Variants in ADGRL3 observed in about 807,000 individuals in gnomAD.
ADGRL3 encodes the protein adhesion G protein-coupled receptor L3.
ADGRL3 carries 62 observed loss-of-function variants against 153.5 expected under a neutral mutation model. That is an observed-to-expected ratio of 0.40 (90% CI 0.33 to 0.50). The LOEUF (loss-of-function observed/expected upper bound fraction) is 0.50, where lower values mean the gene tolerates loss of function less well. Ranked by LOEUF, ADGRL3 falls within the 20% of genes least tolerant of loss-of-function variation. ADGRL3 has a pLI of 0.47. For synonymous variants in ADGRL3, 710 were observed against 672.5 expected (o/e 1.06, Z -0.86); for missense variants, 1,641 against 1,859.4 (o/e 0.88, Z 2.16).
chr4:61,438,451 TGA>T (rs2152453873), intron 2 of ADGRL3, among the ~76,000 whole-genome samples: 1 of 151,676 alleles, frequency 6.6e-6, no homozygotes, highest in East Asian at 1.9e-4. Context: ...CAGGCTGTGA[TGA>T]AGGAAGTACT....
intron 23 of ADGRL3, among the ~76,000 whole-genome samples, chr4:62,033,111 C>T (rs905987533): frequency 1.3e-5 from 2 of 151,650 alleles, no homozygotes; most frequent in Admixed American, 1.3e-4. Flanking sequence ...TGGGGTTGCC[C>T]CATGAAGGGA....
At position 61,496,362 on chromosome 4, in the gene ADGRL3, T is replaced by C. The variant is rs536306305; in HGVS notation, c.-173-759T>C. Among the ~76,000 whole-genome samples the C allele has an allele frequency of 9.2e-5, 14 of 152,282 alleles. No individual in the cohort carries two copies. In the East Asian group the frequency reaches 2.7e-3, roughly 29 times the overall value. ...TTACTTTGTGTAAGCTTTACCATGG[T>C]ATAATATATATGTATTTTTAGCCAG... On this transcript the variant is annotated intron_variant, in intron 2 of 26. Transcript: ENST00000683033.
At chr4:61,361,905 A>G (rs1023619356) in intron 1 of ADGRL3, among the ~76,000 whole-genome samples, 3 of 151,286 alleles carry the variant, frequency 2.0e-5, no homozygotes, top group African/African-American at 7.3e-5. Context: ...TTTAGAAACA[A>G]AGAAGATAAG....
chr4:61,322,012 TG>T (rs2095366393), intron 1 of ADGRL3, among the ~76,000 whole-genome samples: 3 of 152,168 alleles, frequency 2.0e-5, no homozygotes, highest in Admixed American at 1.3e-4. Flanking sequence ...TACCTGAGAC[TG>T]GGCAATTTAC....
chr4:61,401,078 A>ATTTT (rs1578654202), intron 2 of ADGRL3, among the ~76,000 whole-genome samples: 1 of 150,556 alleles, frequency 6.6e-6, no homozygotes. Context: ...TTTTTTTTTA[A>ATTTT]AAAAAAGATT....
intron 21 of ADGRL3, among the ~76,000 whole-genome samples, chr4:62,010,100 A>G (rs557066306): frequency 2.6e-5 from 4 of 152,028 alleles, no homozygotes; most frequent in Non-Finnish European, 5.9e-5. Flanking sequence ...CTTGAAACCC[A>G]TTCTTTGGAA....
intron 1 of ADGRL3, among the ~76,000 whole-genome samples, chr4:61,372,418 T>C (rs1374631992): frequency 6.6e-6 from 1 of 151,878 alleles, no homozygotes; most frequent in African/African-American, 2.4e-5. Flanking sequence ...GGTGTGGATG[T>C]CCTTTCTGTT....
chr4:61,983,328 T>C (rs547970670), intron 18 of ADGRL3, 55 bp from the exon 19 acceptor site: 446 of 1,380,756 alleles, frequency 3.2e-4, no homozygotes, highest in Non-Finnish European at 4.1e-4. Flanking sequence ...TTATGGCAGT[T>C]GACTAGTATC....
chr4:61,392,242 A>G (rs960135459), intron 2 of ADGRL3, among the ~76,000 whole-genome samples: 1 of 151,632 alleles, frequency 6.6e-6, no homozygotes, highest in Non-Finnish European at 1.5e-5. Context: ...CTTGTTTCCT[A>G]TCGTAGATGA....
intron 21 of ADGRL3, among the ~76,000 whole-genome samples, chr4:62,013,152 C>G (rs10017806): frequency 0.037 from 5,578 of 152,122 alleles, 365 homozygotes; most frequent in African/African-American, 0.13. Flanking sequence ...GTTTGGAATT[C>G]TGAAATATTC....
chr4:61,544,618 C>T (rs1235944169), intron 4 of ADGRL3, among the ~76,000 whole-genome samples: 1 of 152,022 alleles, frequency 6.6e-6, no homozygotes, highest in Non-Finnish European at 1.5e-5. Flanking sequence ...CCATTGTTTA[C>T]CCAGTATCAA....
At chr4:61,291,603 TACACACACATATATATATATATAA>T (rs2094212132) in intron 1 of ADGRL3, among the ~76,000 whole-genome samples, 5 of 10,582 alleles carry the variant, frequency 4.7e-4, no homozygotes, top group Non-Finnish European at 1.2e-3. Context: ...TATATATATA[TACACACACATATATATATATATAA>T]AATATTTATT....
intron 2 of ADGRL3, among the ~76,000 whole-genome samples, chr4:61,406,397 G>T (rs1349209748): frequency 6.6e-6 from 1 of 151,692 alleles, no homozygotes. Flanking sequence ...AGTACATATT[G>T]CTTATATAAA....
chr4:61,686,778 G>T (rs1287368894), intron 6 of ADGRL3, among the ~76,000 whole-genome samples: 1 of 151,938 alleles, frequency 6.6e-6, no homozygotes. Flanking sequence ...TTTACTTGTT[G>T]ACACATCTCT....
At chr4:61,698,251 A>G (rs2095678374) in intron 6 of ADGRL3, among the ~76,000 whole-genome samples, 2 of 152,126 alleles carry the variant, frequency 1.3e-5, no homozygotes, top group African/African-American at 4.8e-5. Context: ...GGAGATTGAG[A>G]CCATCCTGGC....
intron 1 of ADGRL3, among the ~76,000 whole-genome samples, chr4:61,268,039 A>G (rs2092953938): frequency 6.6e-6 from 1 of 151,660 alleles, no homozygotes; most frequent in African/African-American, 2.4e-5. Flanking sequence ...TATAATCATC[A>G]CATTGGCCAA....
At chr4:61,606,576 C>T (rs62304002) in intron 5 of ADGRL3, among the ~76,000 whole-genome samples, 1,791 of 152,190 alleles carry the variant, frequency 0.012, 13 homozygotes, top group Non-Finnish European at 0.018. Context: ...TCCTATTGGA[C>T]GAGGGTCCCA....
intron 2 of ADGRL3, among the ~76,000 whole-genome samples, chr4:61,384,871 T>C (rs1299492675): frequency 6.6e-6 from 1 of 151,894 alleles, no homozygotes; most frequent in Non-Finnish European, 1.5e-5. Context: ...AGACCCTCAG[T>C]GATAGTATGT....
rs114430575 is a variant in ADGRL3, at chr4:61,329,681, C to G, written c.-239-53443C>G. The stretch of plus-strand genomic sequence containing the variant: ...TTTTTTACTCAACAGTATGTCATGA[C>G]CATTTTATAAGAAAAAAAATATAGT... On this transcript the variant is annotated intron_variant, in intron 1 of 26. Coordinates refer to ENST00000683033, the MANE Select transcript of ADGRL3 (RefSeq NM_001387552.1). Among the ~76,000 whole-genome samples, 1,315 of 149,794 alleles carry G rather than the reference C, an allele frequency of 8.8e-3. 14 individuals carry two copies. Among genetic ancestry groups the G allele is most frequent in the Admixed American group, 0.017 (247 of 14,868 alleles).
Sources: allele counts gnomAD v4.1 joint callset (sites outside exome capture counted in the v4.1 genomes callset), GRCh38; gene constraint gnomAD v4.1.1; transcripts MANE v1.5; gene names NCBI Gene and HGNC (gene_info 2026-07-23, HGNC 2026-07-21).